The following AKT2 variants were observed in gnomAD, a reference collection of about 807,000 sequenced individuals.
AKT2 encodes the protein RAC-beta serine/threonine-protein kinase.
In AKT2, 16 loss-of-function variants were observed where a neutral mutation model predicts 58.6. The ratio of observed to expected loss-of-function variants is 0.27; its 90% CI spans 0.18 to 0.41. The LOEUF (loss-of-function observed/expected upper bound fraction) is 0.41. Among genes scored for constraint, AKT2 ranks in the 10% least tolerant of loss-of-function variants. The pLI is 1.00. For missense variants in AKT2, 438 were observed against 661.0 expected (o/e 0.66, Z 3.70); for synonymous variants, 253 against 254.0 (o/e 1.00, Z 0.04).
At chr19:40,241,449 C>G (rs572531870) in intron 6 of AKT2, 1 of 227,220 alleles carries the variant, frequency 4.4e-6, no homozygotes, top group African/African-American at 2.3e-5. Flanking sequence ...ACAAGGCTGG[C>G]TAAACGCTGA....
At position 40,236,627 on chromosome 19, in the gene AKT2, C is replaced by A. The variant is rs1226604973; in HGVS notation, c.832-242G>T. Reference sequence around the variant, plus strand: ...TGGGCAGGGAGAGCCGAGAGCCAGGCCCTGTCCACCCACCGTCCCCATTGT... The same window carrying A: ...TGGGCAGGGAGAGCCGAGAGCCAGGACCTGTCCACCCACCGTCCCCATTGT... On this transcript the variant is annotated intron_variant, in intron 9 of 13. Transcript: ENST00000392038. 3 of 569,014 alleles carry A rather than the reference C, an allele frequency of 5.3e-6. No individual in the cohort carries two copies. The Admixed American group carries it at 8.9e-5, about 17-fold the overall frequency. 35.2% of individuals were successfully genotyped at this position (569,014 alleles called of 1,614,324 possible). A position where few individuals can be genotyped will look rare whatever the true frequency, so the allele number is the denominator to read the frequency against.
chr19:40,241,879 T>C (rs1974427817), intron 6 of AKT2, 59 bp downstream of exon 6: 1 of 1,611,210 alleles, frequency 6.2e-7, no homozygotes, highest in African/African-American at 1.3e-5. Flanking sequence ...GGCCTCAGGG[T>C]CAGGCTCCAG....
At chr19:40,278,487 C>G (rs11668051) in intron 1 of AKT2, among the ~76,000 whole-genome samples, 19,099 of 152,138 alleles carry the variant, frequency 0.13, 1,529 homozygotes, top group Admixed American at 0.17. Context: ...AGTGCTAACA[C>G]TGCCCACCTC....
chr19:40,233,858 C>A lies in AKT2; in HGVS notation c.*14G>T. On this transcript the variant is annotated 3_prime_UTR_variant, in exon 14 of 14. Transcript: ENST00000392038. The surrounding 1 kb of genome is among the most constrained non-coding windows in gnomAD (Gnocchi z 4.3). The stretch of plus-strand genomic sequence containing the variant: ...GATGGCAGCGAGCGTGCGTCCTCTG[C>A]GTGGGCAGACTGCTCACTCGCGGAT... 1.2e-6 allele frequency: 2 copies of A among 1,609,280 alleles called. No homozygotes were observed. Among genetic ancestry groups the A allele is most frequent in the Non-Finnish European group, 1.7e-6 (2 of 1,179,502 alleles).
intron 3 of AKT2, among the ~76,000 whole-genome samples, chr19:40,256,316 G>A (rs1340784339): frequency 6.6e-6 from 1 of 152,170 alleles, no homozygotes; most frequent in Non-Finnish European, 1.5e-5. Context: ...GGAGATGGGG[G>A]TGCCTCTGTA....
intron 1 of AKT2, among the ~76,000 whole-genome samples, chr19:40,278,784 G>A (rs2077371931): frequency 6.6e-6 from 1 of 151,924 alleles, no homozygotes; most frequent in African/African-American, 2.4e-5. Flanking sequence ...GCAGCTCCGT[G>A]CATCCTCCCC....
At chr19:40,272,480 G>A (rs1007314417) in intron 1 of AKT2, among the ~76,000 whole-genome samples, 2 of 152,162 alleles carry the variant, frequency 1.3e-5, no homozygotes, top group Admixed American at 6.5e-5. Context: ...ATCAGCATTC[G>A]CTAACGAAGG....
intron 1 of AKT2, chr19:40,275,328 G>A (rs879704562): frequency 4.6e-5 from 21 of 456,402 alleles, no homozygotes; most frequent in Non-Finnish European, 7.5e-5. Flanking sequence ...GACCCACGTC[G>A]CTCTGCATCG....
intron 1 of AKT2, among the ~76,000 whole-genome samples, chr19:40,281,752 C>T (rs1407750898): frequency 4.6e-5 from 7 of 152,350 alleles, no homozygotes; most frequent in Non-Finnish European, 4.4e-5. Flanking sequence ...TTCAAAGTCC[C>T]GGCAGAAATA....
At chr19:40,239,798 CTTCAG>C in intron 7 of AKT2, 1 of 681,270 alleles carries the variant, frequency 1.5e-6, no homozygotes, top group Non-Finnish European at 2.7e-6. Flanking sequence ...AATGTGATAT[CTTCAG>C]TTAGTTCAAA....
intron 1 of AKT2, among the ~76,000 whole-genome samples, chr19:40,268,252 G>A (rs763157239): frequency 2.1e-4 from 32 of 152,216 alleles, no homozygotes; most frequent in Admixed American, 3.3e-4. Context: ...CCTCTCGCTG[G>A]CCCACAGCGG....
chr19:40,249,376 T>C (rs1490844497), intron 4 of AKT2, among the ~76,000 whole-genome samples: 1 of 152,130 alleles, frequency 6.6e-6, no homozygotes, highest in African/African-American at 2.4e-5. Flanking sequence ...CGCCAGTGCC[T>C]TCATGTTTAC....
At chr19:40,267,744 T>C (rs1458071964) in intron 1 of AKT2, among the ~76,000 whole-genome samples, 1 of 152,126 alleles carries the variant, frequency 6.6e-6, no homozygotes, top group African/African-American at 2.4e-5. Flanking sequence ...GGGTGCATCC[T>C]AGACCCCGGA....
intron 1 of AKT2, among the ~76,000 whole-genome samples, chr19:40,273,992 C>A (rs981108175): frequency 6.6e-6 from 1 of 152,152 alleles, no homozygotes; most frequent in African/African-American, 2.4e-5. Context: ...CTTCTCCTGG[C>A]CCCATGAAGA....
At chr19:40,271,390 G>T (rs1409933660) in intron 1 of AKT2, among the ~76,000 whole-genome samples, 1 of 139,798 alleles carries the variant, frequency 7.2e-6, no homozygotes, top group Non-Finnish European at 1.5e-5. Context: ...TTGTGCCACT[G>T]CACTCCAGCC....
intron 1 of AKT2, among the ~76,000 whole-genome samples, chr19:40,277,220 T>C (rs1028964121): frequency 1.3e-5 from 2 of 152,154 alleles, no homozygotes; most frequent in Non-Finnish European, 2.9e-5. Flanking sequence ...ATGTTACTGC[T>C]GTCACTACTT....
chr19:40,244,764 C>G (rs1974643362), intron 4 of AKT2, among the ~76,000 whole-genome samples: 1 of 152,238 alleles, frequency 6.6e-6, no homozygotes, highest in Non-Finnish European at 1.5e-5. Flanking sequence ...GGCCCCCGCC[C>G]CAGGGCAAGT....
chr19:40,244,115 T>C (rs1974593237), intron 4 of AKT2: 2 of 150,360 alleles, frequency 1.3e-5, no homozygotes, highest in African/African-American at 4.9e-5. Context: ...AATAAACTAG[T>C]TCTGTCACTC....
intron 2 of AKT2, among the ~76,000 whole-genome samples, chr19:40,262,957 G>T (rs1976070437): frequency 1.3e-5 from 2 of 152,186 alleles, no homozygotes; most frequent in African/African-American, 2.4e-5. Context: ...CAGAAAGATG[G>T]GCACTGGGAA....
Sources: gnomAD v4.1 joint callset for allele counts (sites outside exome capture counted in the v4.1 genomes callset) on GRCh38, gnomAD v4.1.1 for gene constraint, Gnocchi (gnomAD v3.1) non-coding constraint, MANE v1.5 for transcripts, NCBI Gene and HGNC (gene_info 2026-07-23, HGNC 2026-07-21) for gene names.